The following ZNF395 variants were observed in gnomAD, a reference collection of about 807,000 sequenced individuals.
The protein encoded by ZNF395 is HD gene regulatory region-binding protein 2.
ZNF395 carries 20 observed loss-of-function variants against 57.7 expected under a neutral mutation model. That is an observed-to-expected ratio of 0.35 (90% CI 0.24 to 0.50). The LOEUF is 0.50. Among genes scored for constraint, ZNF395 ranks in the 20% least tolerant of loss-of-function variants. ZNF395 has a pLI of 0.97. For missense variants in ZNF395, 606 were observed against 671.2 expected (o/e 0.90, Z 1.07); for synonymous variants, 295 against 275.9 (o/e 1.07, Z -0.69).
At chr8:28,365,078 G>A (rs187270318) in intron 1 of ZNF395, among the ~76,000 whole-genome samples, 380 of 152,316 alleles carry the variant, frequency 2.5e-3, no homozygotes, top group Non-Finnish European at 4.7e-3. Flanking sequence ...GGATGGAAGT[G>A]GGAGAAATAC....
At chr8:28,385,860 CGCCCCGCCCGCCGCG>C (rs1802172336) in intron 1 of ZNF395, 1 of 146,424 alleles carries the variant, frequency 6.8e-6, no homozygotes, top group Admixed American at 6.8e-5. Flanking sequence ...CAGCGTCCCG[CGCCCCGCCCGCCGCG>C]GCCCCGGCCT....
intron 1 of ZNF395, among the ~76,000 whole-genome samples, chr8:28,371,141 A>G (rs1364834224): frequency 6.6e-6 from 1 of 152,236 alleles, no homozygotes; most frequent in African/African-American, 2.4e-5. Context: ...AGAAAATGAC[A>G]GAACTCAGAA....
intron 1 of ZNF395, among the ~76,000 whole-genome samples, chr8:28,373,081 G>A (rs549574717): frequency 2.4e-4 from 36 of 152,354 alleles, no homozygotes; most frequent in African/African-American, 7.9e-4. Context: ...TTTGGACAGT[G>A]AATGAATGCA....
rs925662125 is a variant in ZNF395 at position 28,360,236 on chromosome 8, A to G, written c.241-412T>C. ...GGGACAAGGTGGCAGGGGTGCAGAG[A>G]CAGGCCAACCTCTCAACAGGGGGAC... On this transcript the variant is annotated intron_variant, in intron 2 of 9. Coordinates refer to ENST00000344423, the MANE Select transcript of ZNF395 (RefSeq NM_018660.3). 7.9e-5 allele frequency among the ~76,000 whole-genome samples: 12 copies of G among 152,350 alleles called. No homozygotes were observed. The East Asian group carries it at 2.1e-3, about 27-fold the overall frequency.
Position 28,348,956 on chromosome 8 carries a change from G to C in ZNF395, c.1431-126C>G, listed in dbSNP as rs558474830. The C allele has an allele frequency of 5.0e-6, 6 of 1,189,366 alleles. No homozygotes were observed. In the African/African-American group the frequency reaches 9.0e-5, roughly 18 times the overall value. 73.7% of individuals were successfully genotyped at this position (1,189,366 alleles called of 1,614,324 possible). On this transcript the variant is annotated intron_variant, in intron 9 of 9. Coordinates refer to ENST00000344423, the MANE Select transcript of ZNF395 (RefSeq NM_018660.3). ...CTCCCGGCAAAAGTCACCAGGACCA[G>C]GGGCCAGAGGCTCTGAGGACCAAAC...
Position 28,368,989 on chromosome 8 carries a change from C to T in ZNF395, c.-58-7807G>A, listed in dbSNP as rs146479865. On this transcript the variant is annotated intron_variant, in intron 1 of 9. Coordinates refer to ENST00000344423, the MANE Select transcript of ZNF395 (RefSeq NM_018660.3). ...TAGCTGGGATTACAGGTGCCTGCCA[C>T]CATGCCGGGCTAATTTTTGCCTTTT... Among the ~76,000 whole-genome samples, 607 of 152,224 alleles carry T rather than the reference C, an allele frequency of 4.0e-3. 5 individuals carry two copies. Among genetic ancestry groups the T allele is most frequent in the African/African-American group, 0.014 (579 of 41,534 alleles).
rs572745391 is a variant in ZNF395, at chr8:28,356,949, T to G, written c.474-170A>C. ...TCAGCCAGTGTGTGCTCAGATCATA[T>G]AAACTCAGTGAAACATGAAGGTCTC... On this transcript the variant is annotated intron_variant, in intron 3 of 9. Coordinates refer to ENST00000344423, the MANE Select transcript of ZNF395 (RefSeq NM_018660.3). The surrounding 1 kb of genome is among the most constrained non-coding windows in gnomAD (Gnocchi z 4.0). Among the ~76,000 whole-genome samples the G allele has an allele frequency of 4.6e-5, 7 of 152,114 alleles. No individual in the cohort carries two copies. The highest frequency in any genetic ancestry group is 1.0e-4 in the Non-Finnish European group (7 of 68,020).
rs1334827113 is a variant in ZNF395, at chr8:28,351,551, G to A, written c.1177C>T (p.Leu393Phe). ...AAGGACCCAGGAGCTGACTTGCTGA[G>A]AGCCCCTGAGGGCAGGGAGGACTCC... The part of the protein sequence containing the change: ...GPESSLPSGA[L>F]SKSAPGSFWH... Residue 393 changes from leucine to phenylalanine, a missense_variant, in exon 7 of 10, where the codon CTC becomes TTC. By Grantham distance (22) the Leu-to-Phe change is conservative (BLOSUM62 0). Coordinates refer to ENST00000344423, the MANE Select transcript of ZNF395 (RefSeq NM_018660.3). The A allele has an allele frequency of 6.2e-7, 1 of 1,613,524 alleles. No individual in the cohort carries two copies. The highest frequency in any genetic ancestry group is 1.3e-5 in the African/African-American group (1 of 74,916).
At position 28,351,543 on chromosome 8, in the gene ZNF395, C is replaced by T. The variant is rs1472611479; in HGVS notation, c.1185G>A (p.Lys395=). 7.4e-6 allele frequency: 12 copies of T among 1,613,310 alleles called. No individual in the cohort carries two copies. Among genetic ancestry groups the T allele is most frequent in the Non-Finnish European group, 1.0e-5 (12 of 1,179,608 alleles). The part of the protein sequence containing the change: ...ESSLPSGALS[K]SAPGSFWHIQ... The stretch of plus-strand genomic sequence containing the variant: ...TGTGCCAGAAGGACCCAGGAGCTGA[C>T]TTGCTGAGAGCCCCTGAGGGCAGGG... Residue 395 remains lysine, a synonymous_variant, in exon 7 of 10, where the codon AAG becomes AAA. Coordinates refer to ENST00000344423, the MANE Select transcript of ZNF395 (RefSeq NM_018660.3).
chr8:28,348,836 G>T lies in ZNF395; in HGVS notation c.1431-6C>A. On this transcript the variant is annotated splice_region_variant and splice_polypyrimidine_tract_variant and intron_variant, in intron 9 of 9. Transcript: ENST00000344423. ...TAGCCTCCCCTCGGGCTTTCCTGCA[G>T]AAAGAGAGGAATGCAAATCGAGCCC... The T allele has an allele frequency of 6.2e-7, 1 of 1,613,630 alleles. No individual in the cohort carries two copies. The highest frequency in any genetic ancestry group is 1.1e-5 in the South Asian group (1 of 91,078).
intron 1 of ZNF395, among the ~76,000 whole-genome samples, chr8:28,367,230 A>G (rs563272465): frequency 1.3e-5 from 2 of 152,352 alleles, no homozygotes; most frequent in East Asian, 3.9e-4. Context: ...CAAGACTGAT[A>G]GGGACCAGAA....
intron 1 of ZNF395, among the ~76,000 whole-genome samples, chr8:28,371,733 C>G (rs1489420609): frequency 6.6e-6 from 1 of 151,944 alleles, no homozygotes; most frequent in Non-Finnish European, 1.5e-5. Context: ...AGAGAATGCA[C>G]AAACAGTCAG....
At chr8:28,382,768 TACTC>T (rs1219547053) in intron 1 of ZNF395, among the ~76,000 whole-genome samples, 2 of 152,202 alleles carry the variant, frequency 1.3e-5, no homozygotes, top group African/African-American at 4.8e-5. Context: ...GCTTAATAAA[TACTC>T]ACTGAATGCG....
Position 28,366,968 on chromosome 8 carries a change from C to A in ZNF395, c.-58-5786G>T, listed in dbSNP as rs567368004. 6.6e-5 allele frequency among the ~76,000 whole-genome samples: 10 copies of A among 152,102 alleles called. No homozygotes were observed. In the South Asian group the frequency reaches 2.1e-3, roughly 32 times the overall value. ...TAAAACTTCTAGCTCTCTGGAATTACCAGGTCCTGTTACCCTATTTTTAAG... is the reference window on the plus strand; with the variant it reads ...TAAAACTTCTAGCTCTCTGGAATTAACAGGTCCTGTTACCCTATTTTTAAG... On this transcript the variant is annotated intron_variant, in intron 1 of 9. Transcript: ENST00000344423.
Position 28,345,964 on chromosome 8 carries a change from A to C in ZNF395, c.*2755T>G, listed in dbSNP as rs1227652273. ...AAAATTGCTTTCTGAGCCAATTTAAAAGTCACATGATTGAATCCAAGCTAT... is the reference window on the plus strand; with the variant it reads ...AAAATTGCTTTCTGAGCCAATTTAACAGTCACATGATTGAATCCAAGCTAT... On this transcript the variant is annotated 3_prime_UTR_variant, in exon 10 of 10. Transcript: ENST00000344423. 1.3e-5 allele frequency: 2 copies of C among 152,178 alleles called. No individual in the cohort carries two copies. The highest frequency in any genetic ancestry group is 1.5e-5 in the Non-Finnish European group (1 of 68,032). The allele number at this position is 152,178 out of a possible 1,614,324, so 9.4% of individuals were successfully genotyped here. A position where few individuals can be genotyped will look rare whatever the true frequency, so the allele number is the denominator to read the frequency against.
At chr8:28,354,543 C>T (rs1316801159) in intron 4 of ZNF395, among the ~76,000 whole-genome samples, 1 of 152,114 alleles carries the variant, frequency 6.6e-6, no homozygotes, top group African/African-American at 2.4e-5. Context: ...CAGGGATCTA[C>T]CCGGCACAGG....
At chr8:28,348,859 C>A (rs1801641385) in intron 9 of ZNF395, 29 bp from the exon 10 acceptor site, 1 of 1,609,328 alleles carries the variant, frequency 6.2e-7, no homozygotes, top group East Asian at 2.2e-5. Flanking sequence ...GCAAATCGAG[C>A]CCCACACAGG....
rs1177772807 is a variant in ZNF395, at chr8:28,346,546, T to C, written c.*2173A>G. On this transcript the variant is annotated 3_prime_UTR_variant, in exon 10 of 10. Coordinates refer to ENST00000344423, the MANE Select transcript of ZNF395 (RefSeq NM_018660.3). ...CCACCGTGGTTTCCACACTGCTCTC[T>C]CCCTTTATTCCTCTCTTTCCTGCCC... 1 of 152,294 alleles carries C rather than the reference T, an allele frequency of 6.6e-6. No homozygotes were observed. Among genetic ancestry groups the C allele is most frequent in the African/African-American group, 2.4e-5 (1 of 41,444 alleles). The allele number at this position is 152,294 out of a possible 1,614,324, so 9.4% of individuals were successfully genotyped here.
chr8:28,358,334 T>G (rs529056283), intron 3 of ZNF395, among the ~76,000 whole-genome samples: 2 of 152,032 alleles, frequency 1.3e-5, no homozygotes, highest in Non-Finnish European at 2.9e-5. Context: ...GGTCTCAAAC[T>G]CCTGACCTCA....
Sources: gnomAD v4.1 joint callset for allele counts (sites outside exome capture counted in the v4.1 genomes callset) on GRCh38, gnomAD v4.1.1 for gene constraint, Gnocchi (gnomAD v3.1) non-coding constraint, MANE v1.5 for transcripts, NCBI Gene and HGNC (gene_info 2026-07-23, HGNC 2026-07-21) for gene names.